The following CDH13 variants were observed in gnomAD, a reference collection of about 807,000 sequenced individuals.
CDH13 encodes cadherin-13.
In CDH13, 24 loss-of-function variants were observed where a neutral mutation model predicts 63.8. The ratio of observed to expected loss-of-function variants is 0.38; its 90% CI spans 0.27 to 0.53. The LOEUF (loss-of-function observed/expected upper bound fraction) is 0.53, where lower values mean the gene tolerates loss of function less well. Ranked by LOEUF, CDH13 falls within the 20% of genes least tolerant of loss-of-function variation. The probability of loss-of-function intolerance (pLI) is 0.85; values close to 1 mark genes in which losing one functional copy is unlikely to be tolerated. For synonymous variants in CDH13, 503 were observed against 355.3 expected (o/e 1.42, Z -4.67); for missense variants, 1,049 against 903.1 (o/e 1.16, Z -2.07).
chr16:83,428,562 C>T (rs540436575), intron 6 of CDH13, among the ~76,000 whole-genome samples: 6 of 152,148 alleles, frequency 3.9e-5, no homozygotes, highest in African/African-American at 9.6e-5. Flanking sequence ...ACTTCCTGAA[C>T]GAGCCATGGT....
At chr16:82,690,751 C>T (rs745511538) in intron 1 of CDH13, among the ~76,000 whole-genome samples, 2 of 152,224 alleles carry the variant, frequency 1.3e-5, no homozygotes, top group Non-Finnish European at 2.9e-5. Context: ...TGCATGTGTG[C>T]ACATGCAGCA....
At chr16:83,480,559 G>C (rs2073735771) in intron 6 of CDH13, among the ~76,000 whole-genome samples, 1 of 152,156 alleles carries the variant, frequency 6.6e-6, no homozygotes, top group Admixed American at 6.5e-5. Flanking sequence ...TGAGTGAATG[G>C]CTGTAGGCTG....
At chr16:82,747,787 G>C (rs1392538933) in intron 1 of CDH13, among the ~76,000 whole-genome samples, 1 of 152,170 alleles carries the variant, frequency 6.6e-6, no homozygotes, top group Non-Finnish European at 1.5e-5. Flanking sequence ...GTCAACTCTT[G>C]GGATTTAGGA....
intron 4 of CDH13, among the ~76,000 whole-genome samples, chr16:83,191,994 TG>T (rs1218045074): frequency 3.3e-5 from 5 of 152,070 alleles, no homozygotes; most frequent in Non-Finnish European, 7.4e-5. Context: ...AGCAAAAGCA[TG>T]TAGAATTGAT....
intron 10 of CDH13, among the ~76,000 whole-genome samples, chr16:83,719,435 C>T (rs545213884): frequency 6.0e-5 from 9 of 150,246 alleles, no homozygotes; most frequent in Admixed American, 2.7e-4. Flanking sequence ...GTCACTCACC[C>T]ACGGCCCTCT....
At chr16:82,754,245 C>A (rs192059684) in intron 1 of CDH13, among the ~76,000 whole-genome samples, 2 of 152,138 alleles carry the variant, frequency 1.3e-5, no homozygotes, top group African/African-American at 4.8e-5. Context: ...GGTCCTAAAA[C>A]ATAAATTTTA....
At chr16:83,734,724 A>G (rs1376976085) in intron 10 of CDH13, among the ~76,000 whole-genome samples, 4 of 129,486 alleles carry the variant, frequency 3.1e-5, no homozygotes, top group African/African-American at 1.3e-4. Context: ...TTAAAACTTA[A>G]AGTATAATAA....
rs188799951 is a variant in CDH13, at chr16:83,374,321, C to G, written c.781+29315C>G. Among the ~76,000 whole-genome samples the G allele has an allele frequency of 9.3e-4, 142 of 152,304 alleles. 1 individual carries two copies. Among genetic ancestry groups the G allele is most frequent in the African/African-American group, 3.1e-3 (129 of 41,566 alleles). Reference sequence around the variant, plus strand: ...ATTGTAAATGAATAACCATGTGACCCTCAAGAAGATTCCAAGCCAAATTCC... The same window carrying G: ...ATTGTAAATGAATAACCATGTGACCGTCAAGAAGATTCCAAGCCAAATTCC... On this transcript the variant is annotated intron_variant, in intron 6 of 13. Transcript: ENST00000567109.
At chr16:83,105,365 A>G (rs1163909341) in intron 3 of CDH13, among the ~76,000 whole-genome samples, 2 of 152,240 alleles carry the variant, frequency 1.3e-5, no homozygotes, top group African/African-American at 2.4e-5. Context: ...CTCCCATGGA[A>G]CCACCACATG....
chr16:82,676,702 C>T (rs1343547740), intron 1 of CDH13, among the ~76,000 whole-genome samples: 9 of 152,060 alleles, frequency 5.9e-5, no homozygotes, highest in South Asian at 2.1e-4. Flanking sequence ...AACAAAACCT[C>T]GGACATGAGC....
At chr16:83,700,707 T>G (rs140816773) in intron 10 of CDH13, among the ~76,000 whole-genome samples, 37 of 152,348 alleles carry the variant, frequency 2.4e-4, no homozygotes, top group African/African-American at 8.7e-4. Flanking sequence ...TTAACAAACA[T>G]GGAGCAGCAT....
At chr16:83,102,510 A>G (rs150222415) in intron 3 of CDH13, among the ~76,000 whole-genome samples, 99 of 152,282 alleles carry the variant, frequency 6.5e-4, no homozygotes, top group Admixed American at 2.8e-3. Flanking sequence ...TGCAGATGAC[A>G]TGAGATTACA....
intron 2 of CDH13, among the ~76,000 whole-genome samples, chr16:82,860,619 G>A (rs910518081): frequency 1.1e-4 from 16 of 143,752 alleles, no homozygotes; most frequent in African/African-American, 4.0e-4. Context: ...TGGTGAAACC[G>A]TATGTCCATG....
intron 5 of CDH13, among the ~76,000 whole-genome samples, chr16:83,274,147 G>A (rs1007894288): frequency 2.6e-5 from 4 of 152,168 alleles, no homozygotes; most frequent in African/African-American, 9.7e-5. Context: ...GTCCCTCAAA[G>A]GAAAGACCAG....
intron 4 of CDH13, among the ~76,000 whole-genome samples, chr16:83,175,646 C>T (rs554609589): frequency 2.2e-4 from 33 of 150,702 alleles, no homozygotes; most frequent in South Asian, 2.1e-4. Context: ...AGGAAGGATA[C>T]GAAAATGCAG....
At chr16:83,033,132 A>G (rs1470370303) in intron 3 of CDH13, among the ~76,000 whole-genome samples, 1 of 152,192 alleles carries the variant, frequency 6.6e-6, no homozygotes, top group Non-Finnish European at 1.5e-5. Flanking sequence ...CATGTAATGT[A>G]TACACATATG....
At chr16:83,317,567 A>C (rs2090133585) in intron 5 of CDH13, among the ~76,000 whole-genome samples, 1 of 152,122 alleles carries the variant, frequency 6.6e-6, no homozygotes, top group Admixed American at 6.5e-5. Flanking sequence ...TTGGGAGGCC[A>C]AGGCAGGTGG....
chr16:82,843,249 A>G (rs2151136639), intron 1 of CDH13, among the ~76,000 whole-genome samples: 1 of 152,312 alleles, frequency 6.6e-6, no homozygotes, highest in African/African-American at 2.4e-5. Context: ...TTGTCTTGGC[A>G]CTGACACACA....
rs550530909 is a variant in CDH13 at position 83,637,276 on chromosome 16, A to G, written c.1102-33514A>G. Among the ~76,000 whole-genome samples the G allele has an allele frequency of 1.3e-3, 133 of 104,884 alleles. 12 individuals carry two copies. The highest frequency in any genetic ancestry group is 5.4e-3 in the African/African-American group (126 of 23,254). The allele number at this position is 104,884 out of a possible 152,430, so 68.8% of individuals were successfully genotyped here. A position where few individuals can be genotyped will look rare whatever the true frequency, so the allele number is the denominator to read the frequency against. Reference sequence around the variant, plus strand: ...TCGGGAGGAGCCAAGATGGCCGAATAGGAACAGCTCCGGTCTACAGCTCCC... The same window carrying G: ...TCGGGAGGAGCCAAGATGGCCGAATGGGAACAGCTCCGGTCTACAGCTCCC... On this transcript the variant is annotated intron_variant, in intron 8 of 13. Coordinates refer to ENST00000567109, the MANE Select transcript of CDH13 (RefSeq NM_001257.5).
Sources: gnomAD v4.1 joint callset for allele counts (sites outside exome capture counted in the v4.1 genomes callset) on GRCh38, gnomAD v4.1.1 for gene constraint, MANE v1.5 for transcripts, NCBI Gene and HGNC (gene_info 2026-07-23, HGNC 2026-07-21) for gene names.